The following OPCML variants were observed in gnomAD, a reference collection of about 807,000 sequenced individuals.
OPCML encodes opioid binding protein/cell adhesion molecule like.
OPCML carries 13 observed loss-of-function variants against 37.8 expected under a neutral mutation model. The observed-to-expected ratio is 0.34, with a 90% CI of 0.22 to 0.55. The LOEUF (loss-of-function observed/expected upper bound fraction) is 0.55. OPCML is among the 20% of genes least tolerant of loss of function. The pLI is 0.91. For synonymous variants in OPCML, 176 were observed against 168.8 expected, an observed-to-expected ratio of 1.04 and a Z score of -0.33; for missense variants, 341 against 435.6, an observed-to-expected ratio of 0.78 and a Z score of 1.93.
intron 2 of OPCML, among the ~76,000 whole-genome samples, chr11:132,879,807 C>T (rs185562104): frequency 6.6e-6 from 1 of 152,264 alleles, no homozygotes; most frequent in East Asian, 1.9e-4. Flanking sequence ...ATTCTAAGAG[C>T]TTACTTCATA....
At chr11:133,245,374 A>T (rs1458982472) in intron 1 of OPCML, among the ~76,000 whole-genome samples, 1 of 152,250 alleles carries the variant, frequency 6.6e-6, no homozygotes, top group East Asian at 1.9e-4. Flanking sequence ...ACCAATATTA[A>T]AATGAGTCTC....
At chr11:132,662,105 T>C (rs1565756319) in intron 2 of OPCML, among the ~76,000 whole-genome samples, 1 of 152,184 alleles carries the variant, frequency 6.6e-6, no homozygotes, top group Non-Finnish European at 1.5e-5. Flanking sequence ...GAGGTGAACT[T>C]AGGGAAATCC....
chr11:132,644,338 T>C (rs1037553882), intron 3 of OPCML, among the ~76,000 whole-genome samples: 4 of 152,144 alleles, frequency 2.6e-5, no homozygotes, highest in Non-Finnish European at 5.9e-5. Flanking sequence ...GAACTCCTTC[T>C]CTGCTTTTAA....
chr11:132,652,987 T>C (rs1435486002), intron 3 of OPCML, among the ~76,000 whole-genome samples: 1 of 152,228 alleles, frequency 6.6e-6, no homozygotes, highest in Non-Finnish European at 1.5e-5. Flanking sequence ...TTCTTACTGT[T>C]ATCTACGAAT....
chr11:132,737,170 T>A (rs529440988), intron 2 of OPCML, among the ~76,000 whole-genome samples: 1 of 152,298 alleles, frequency 6.6e-6, no homozygotes, highest in Non-Finnish European at 1.5e-5. Flanking sequence ...TACAGGTTAG[T>A]GGTTTGCAAG....
intron 1 of OPCML, among the ~76,000 whole-genome samples, chr11:133,267,001 C>G (rs958136502): frequency 9.9e-5 from 15 of 152,182 alleles, no homozygotes; most frequent in Admixed American, 3.3e-4. Flanking sequence ...CTTCAAGATA[C>G]ATCTCCTATG....
chr11:133,044,024 G>A (rs181678007), intron 1 of OPCML, among the ~76,000 whole-genome samples: 79 of 152,322 alleles, frequency 5.2e-4, no homozygotes, highest in Non-Finnish European at 7.1e-4. Flanking sequence ...CTGACATATG[G>A]CCAGATCCTT....
chr11:133,452,484 G>A (rs1190499202), intron 1 of OPCML, among the ~76,000 whole-genome samples: 2 of 151,300 alleles, frequency 1.3e-5, no homozygotes, highest in Non-Finnish European at 1.5e-5. Context: ...ATAGCAGATA[G>A]TCTGGTAAAG....
At chr11:132,570,755 GTATATATATATATATATA>G (rs71477765) in intron 3 of OPCML, among the ~76,000 whole-genome samples, 1,221 of 30,134 alleles carry the variant, frequency 0.041, 98 homozygotes, top group African/African-American at 0.11. Context: ...AGGAAAGAGA[GTATATATATATATATATA>G]TATATATATA....
chr11:133,423,233 T>C, intron 1 of OPCML: 1 of 985,434 alleles, frequency 1.0e-6, no homozygotes, highest in Non-Finnish European at 1.2e-6. Context: ...ATTGCCTCAT[T>C]CTAGAGTTTT....
intron 1 of OPCML, among the ~76,000 whole-genome samples, chr11:133,037,279 T>C (rs1021920293): frequency 1.9e-4 from 29 of 152,238 alleles, no homozygotes; most frequent in Non-Finnish European, 3.1e-4. Flanking sequence ...TCTCAATACG[T>C]AAGAGTTATA....
intron 1 of OPCML, among the ~76,000 whole-genome samples, chr11:133,505,577 C>T (rs375428642): frequency 1.3e-5 from 2 of 152,320 alleles, no homozygotes; most frequent in African/African-American, 4.8e-5. Flanking sequence ...CCTCAGACTT[C>T]ATCCCAGAAA....
chr11:132,698,907 A>G (rs1032508967), intron 2 of OPCML, among the ~76,000 whole-genome samples: 1 of 152,126 alleles, frequency 6.6e-6, no homozygotes, highest in African/African-American at 2.4e-5. Context: ...AAAAAATGCC[A>G]TTGATATTTT....
intron 2 of OPCML, among the ~76,000 whole-genome samples, chr11:132,795,075 C>A (rs2136189247): frequency 6.6e-6 from 1 of 152,128 alleles, no homozygotes; most frequent in East Asian, 1.9e-4. Flanking sequence ...GCAAGAGCTT[C>A]ATTGGTACCT....
At chr11:133,449,875 G>C (rs1946547013) in intron 1 of OPCML, among the ~76,000 whole-genome samples, 1 of 151,668 alleles carries the variant, frequency 6.6e-6, no homozygotes, top group South Asian at 2.1e-4. Context: ...TTCAACACCT[G>C]GTTTAGGCTA....
At chr11:132,675,784 G>A (rs1942675208) in intron 2 of OPCML, among the ~76,000 whole-genome samples, 1 of 152,082 alleles carries the variant, frequency 6.6e-6, no homozygotes, top group South Asian at 2.1e-4. Flanking sequence ...AAATAAATTT[G>A]AAAAACCTAA....
chr11:133,191,503 G>GT (rs1491214869), intron 1 of OPCML, among the ~76,000 whole-genome samples: 7,893 of 122,178 alleles, frequency 0.065, 234 homozygotes, highest in Middle Eastern at 0.088. Context: ...CTGTGTGTGT[G>GT]GGTGTGTGTG....
At chr11:133,388,123 C>G (rs1945096732) in intron 1 of OPCML, among the ~76,000 whole-genome samples, 1 of 152,132 alleles carries the variant, frequency 6.6e-6, no homozygotes, top group Non-Finnish European at 1.5e-5. Flanking sequence ...CTGCCAGACT[C>G]CGCACCATGA....
intron 1 of OPCML, among the ~76,000 whole-genome samples, chr11:133,500,038 A>ATT: frequency 6.6e-6 from 1 of 151,206 alleles, no homozygotes; most frequent in African/African-American, 2.4e-5. Flanking sequence ...CACCCAGCTA[A>ATT]TTTTTGTATT....
Sources: gnomAD v4.1 joint callset for allele counts (sites outside exome capture counted in the v4.1 genomes callset) on GRCh38, gnomAD v4.1.1 for gene constraint, MANE v1.5 for transcripts, NCBI Gene and HGNC (gene_info 2026-07-23, HGNC 2026-07-21) for gene names.